MEX3C: variants seen among roughly 807,000 people sequenced by gnomAD.
The protein encoded by MEX3C is RNA-binding E3 ubiquitin-protein ligase MEX3C.
In MEX3C, 15 loss-of-function variants were observed where a neutral mutation model predicts 35.5. The ratio of observed to expected loss-of-function variants is 0.42; its 90% CI spans 0.28 to 0.65. MEX3C has a LOEUF of 0.65. Among genes scored for constraint, MEX3C ranks in the 30% least tolerant of loss-of-function variants. The probability of loss-of-function intolerance (pLI) is 0.20; values close to 1 mark genes in which losing one functional copy is unlikely to be tolerated. For missense variants in MEX3C, 711 were observed against 842.8 expected, an observed-to-expected ratio of 0.84 and a Z score of 1.94; for synonymous variants, 390 against 352.8, an observed-to-expected ratio of 1.11 and a Z score of -1.18.
Position 51,196,909 on chromosome 18 carries a change from G to A in MEX3C, c.412C>T (p.Arg138Trp). The stretch of plus-strand genomic sequence containing the variant: ...GGCGACAGCAGCAGCAGCGACGACC[G>A]GTCCTCCTCCTCTGCTTCCTCCAGC... Reference protein sequence around the residue: ...EELEEAEEEDRSSLLLLSPPA... With the variant: ...EELEEAEEEDWSSLLLLSPPA... The change falls in exon 1 of 2, where the codon CGG becomes TGG. Residue 138 changes from arginine (R) to tryptophan (W), a missense_variant. Arg to Trp is a moderately radical substitution (Grantham distance 101). Coordinates refer to ENST00000406189, the MANE Select transcript of MEX3C (RefSeq NM_016626.5). 1 of 1,542,916 alleles carries A rather than the reference G, an allele frequency of 6.5e-7. No homozygotes were observed. The highest frequency in any genetic ancestry group is 8.7e-7 in the Non-Finnish European group (1 of 1,145,962).
intron 1 of MEX3C, among the ~76,000 whole-genome samples, chr18:51,190,398 T>C (rs1912626767): frequency 6.6e-6 from 1 of 152,210 alleles, no homozygotes; most frequent in African/African-American, 2.4e-5. Context: ...AGATCTTTTC[T>C]AGTTGTTTGA....
At chr18:51,185,264 C>A (rs953844725) in intron 1 of MEX3C, among the ~76,000 whole-genome samples, 1 of 152,218 alleles carries the variant, frequency 6.6e-6, no homozygotes, top group Non-Finnish European at 1.5e-5. Context: ...AGCTGAGGGT[C>A]ATTCCCAGCT....
chr18:51,176,301 T>C lies in MEX3C; in HGVS notation c.*50A>G. 6.8e-7 allele frequency: 1 copy of C among 1,477,948 alleles called. No homozygotes were observed. Among genetic ancestry groups the C allele is most frequent in the Non-Finnish European group, 9.1e-7 (1 of 1,099,558 alleles). The allele number at this position is 1,477,948 out of a possible 1,614,324, so 91.6% of individuals were successfully genotyped here. On this transcript the variant is annotated 3_prime_UTR_variant, in exon 2 of 2. Coordinates refer to ENST00000406189, the MANE Select transcript of MEX3C (RefSeq NM_016626.5). ...TTACTGGGGGGTACCATTATACCCA[T>C]GCCTTTACGAGTCCATATAGAGATA...
rs1164132329 is a variant in MEX3C, at chr18:51,175,184, GA to G, written c.*1166del. ...CGAGAAAAAAGCTCTTTTGTGTTGG[GA>G]AAATAATGCTTCAAAAAATAATTAG... On this transcript the variant is annotated 3_prime_UTR_variant, in exon 2 of 2. Coordinates refer to ENST00000406189, the MANE Select transcript of MEX3C (RefSeq NM_016626.5). 2.6e-5 allele frequency: 4 copies of G among 152,344 alleles called. No homozygotes were observed. Among genetic ancestry groups the G allele is most frequent in the Admixed American group, 2.0e-4 (3 of 15,242 alleles). 9.4% of individuals were successfully genotyped at this position (152,344 alleles called of 1,614,324 possible).
At chr18:51,188,571 C>T (rs1260274620) in intron 1 of MEX3C, among the ~76,000 whole-genome samples, 3 of 150,234 alleles carry the variant, frequency 2.0e-5, no homozygotes, top group Non-Finnish European at 4.4e-5. Context: ...GCACTCCAGC[C>T]TGGGCGACAG....
At chr18:51,180,556 C>A (rs965496486) in intron 1 of MEX3C, among the ~76,000 whole-genome samples, 7 of 152,288 alleles carry the variant, frequency 4.6e-5, no homozygotes, top group African/African-American at 1.7e-4. Context: ...CGGCTCACTG[C>A]AACTTCCGTC....
intron 1 of MEX3C, chr18:51,196,321 A>C (rs1035885614): frequency 3.4e-5 from 28 of 814,064 alleles, no homozygotes; most frequent in Non-Finnish European, 4.7e-5. Flanking sequence ...AGTAACGTGA[A>C]CACCACCGGA....
At position 51,196,133 on chromosome 18, in the gene MEX3C, T is replaced by G. The variant is rs974599054; in HGVS notation, c.754+434A>C. ...CTCCATTTCTGTTCTTTTCTCCATC[T>G]GAACAAGTTCTTGTAAGGGAGGCTG... On this transcript the variant is annotated intron_variant, in intron 1 of 1. Coordinates refer to ENST00000406189, the MANE Select transcript of MEX3C (RefSeq NM_016626.5). The G allele has an allele frequency of 1.9e-5, 4 of 207,374 alleles. No homozygotes were observed. The Admixed American group carries it at 2.2e-4, about 11-fold the overall frequency. 12.8% of individuals were successfully genotyped at this position (207,374 alleles called of 1,614,324 possible). A position where few individuals can be genotyped will look rare whatever the true frequency, so the allele number is the denominator to read the frequency against.
At chr18:51,179,207 G>A (rs1284215091) in intron 1 of MEX3C, among the ~76,000 whole-genome samples, 4 of 152,042 alleles carry the variant, frequency 2.6e-5, no homozygotes, top group East Asian at 3.9e-4. Context: ...GTTTCACCAC[G>A]TTGGTCAGGC....
rs775805559 is a variant in MEX3C at position 51,177,223 on chromosome 18, C to T, written c.1108G>A (p.Val370Ile). ...IVTPSRDKEPVFEVTGMPENV... is the reference protein window; with the variant it reads ...IVTPSRDKEPIFEVTGMPENV... ...TCAGGCATCCCTGTCACTTCAAAGA[C>T]AGGTTCCTTATCTCTGCTCGGAGTT... Residue 370 changes from valine to isoleucine, a missense_variant, in exon 2 of 2, where the codon GTC (valine) becomes ATC (isoleucine). By Grantham distance (29) the Val-to-Ile change is conservative. Around this residue, in one of 4 missense-constraint regions of MEX3C, gnomAD observed 83 missense variants for 179.1 expected, o/e 0.46. Transcript: ENST00000406189. This position sits in a 1 kb window ranked among gnomAD's most constrained non-coding sequence, Gnocchi z 4.2. 9 of 1,613,784 alleles carry T rather than the reference C, an allele frequency of 5.6e-6. No homozygotes were observed. The South Asian group carries it at 6.6e-5, about 12-fold the overall frequency.
chr18:51,181,875 AAAAC>A (rs1384710656), intron 1 of MEX3C, among the ~76,000 whole-genome samples: 2 of 152,248 alleles, frequency 1.3e-5, no homozygotes, highest in Admixed American at 6.5e-5. Flanking sequence ...TTAGAAAAGA[AAAAC>A]AAATTAAATA....
chr18:51,183,896 G>A (rs896952563), intron 1 of MEX3C, among the ~76,000 whole-genome samples: 4 of 152,146 alleles, frequency 2.6e-5, no homozygotes, highest in African/African-American at 9.7e-5. Flanking sequence ...CTATATGGGA[G>A]GCTAATAAGG....
At chr18:51,183,056 C>T (rs1197956896) in intron 1 of MEX3C, among the ~76,000 whole-genome samples, 3 of 152,150 alleles carry the variant, frequency 2.0e-5, no homozygotes, top group Non-Finnish European at 1.5e-5. Flanking sequence ...ATTGAGAAAA[C>T]CTGGGTTTAA....
At position 51,178,548 on chromosome 18, in the gene MEX3C, A is replaced by G. The variant is rs74631840; in HGVS notation, c.755-972T>C. 1.3e-3 allele frequency among the ~76,000 whole-genome samples: 192 copies of G among 152,234 alleles called. 4 individuals are homozygous for G. In the East Asian group the frequency reaches 0.034, roughly 27 times the overall value. ...CCAGCATAGATGTGTTCTCATGAATATATCATACTATTCTTAGTTTGTCAA... is the reference window on the plus strand; with the variant it reads ...CCAGCATAGATGTGTTCTCATGAATGTATCATACTATTCTTAGTTTGTCAA... On this transcript the variant is annotated intron_variant, in intron 1 of 1. Coordinates refer to ENST00000406189, the MANE Select transcript of MEX3C (RefSeq NM_016626.5).
At chr18:51,189,760 C>T (rs1202852958) in intron 1 of MEX3C, among the ~76,000 whole-genome samples, 1 of 152,004 alleles carries the variant, frequency 6.6e-6, no homozygotes, top group Non-Finnish European at 1.5e-5. Context: ...TGTCTGGGTA[C>T]CATACAATGG....
intron 1 of MEX3C, among the ~76,000 whole-genome samples, chr18:51,192,498 T>G (rs1303908087): frequency 1.3e-5 from 2 of 152,186 alleles, no homozygotes; most frequent in Non-Finnish European, 2.9e-5. Flanking sequence ...CTGGACACAT[T>G]AGAACTATAT....
intron 1 of MEX3C, among the ~76,000 whole-genome samples, chr18:51,191,130 C>G (rs1250951382): frequency 6.6e-6 from 1 of 152,160 alleles, no homozygotes; most frequent in Non-Finnish European, 1.5e-5. Context: ...AGGAATGACA[C>G]TGTTTAGAAT....
At position 51,197,237 on chromosome 18, in the gene MEX3C, TGGCGGCGGC is replaced by T. The variant is rs553955500; in HGVS notation, c.75_83del (p.Pro29_Pro31del). 218 of 981,190 alleles carry T rather than the reference TGGCGGCGGC, an allele frequency of 2.2e-4. No homozygotes were observed. The highest frequency in any genetic ancestry group is 5.3e-4 in the African/African-American group (30 of 56,124). 60.8% of individuals were successfully genotyped at this position (981,190 alleles called of 1,614,324 possible). A position where few individuals can be genotyped will look rare whatever the true frequency, so the allele number is the denominator to read the frequency against. On this transcript the variant is annotated inframe_deletion, in exon 1 of 2. Transcript: ENST00000406189. ...CCGAGGGCGGCGGCAGAGGCGGCGG[TGGCGGCGGC>T]GGCGGCGGGGGCGGCTGCGGCAGGG...
intron 1 of MEX3C, among the ~76,000 whole-genome samples, chr18:51,183,349 C>A (rs1490307167): frequency 6.6e-6 from 1 of 152,172 alleles, no homozygotes; most frequent in East Asian, 1.9e-4. Context: ...CACTTCCCAA[C>A]AGAAAAAGCA....
Sources: allele counts gnomAD v4.1 joint callset (sites outside exome capture counted in the v4.1 genomes callset), GRCh38; gene constraint gnomAD v4.1.1; regional missense constraint gnomAD v4.1.1; non-coding constraint Gnocchi (gnomAD v3.1); transcripts MANE v1.5; gene names NCBI Gene and HGNC (gene_info 2026-07-23, HGNC 2026-07-21).